The following ASB14 variants were observed in gnomAD, a reference collection of about 807,000 sequenced individuals.
ASB14 encodes the protein ankyrin repeat and SOCS box containing 14, also known as ankyrin repeat and SOCS box protein 14.
In ASB14, 63 loss-of-function variants were observed where a neutral mutation model predicts 55.6. That is an observed-to-expected ratio of 1.13 (90% CI 0.92 to 1.40). The LOEUF (loss-of-function observed/expected upper bound fraction) is 1.40. ASB14 is among the 40% of genes most tolerant of loss of function. ASB14 has a pLI of 0.00. For missense variants in ASB14, 724 were observed against 710.4 expected (o/e 1.02, Z -0.22); for synonymous variants, 256 against 259.9 (o/e 0.98, Z 0.15).
intron 10 of ASB14, 77 bp downstream of exon 10, chr3:57,276,451 T>G: frequency 1.9e-6 from 2 of 1,077,160 alleles, no homozygotes; most frequent in South Asian, 1.7e-5. Context: ...TGCATTGAGA[T>G]TTTAGTTGGT....
intron 5 of ASB14, among the ~76,000 whole-genome samples, chr3:57,285,237 A>C (rs1446262514): frequency 6.6e-6 from 1 of 152,086 alleles, no homozygotes; most frequent in African/African-American, 2.4e-5. Flanking sequence ...TACCGTGCAC[A>C]GCCTAATTTT....
Position 57,289,175 on chromosome 3 carries a change from T to C in ASB14, c.123-52A>G, listed in dbSNP as rs17735397. On this transcript the variant is annotated intron_variant, in intron 2 of 10. Transcript: ENST00000487349. The stretch of plus-strand genomic sequence containing the variant: ...TTCCAAAACTGAGGAGAAAAAACTG[T>C]TATCTGATATAAATCAAAAGGAAAG... The C allele has an allele frequency of 0.028, 34,537 of 1,215,108 alleles. 588 individuals carry two copies. The highest frequency in any genetic ancestry group is 0.034 in the Middle Eastern group (181 of 5,328). 75.3% of individuals were successfully genotyped at this position (1,215,108 alleles called of 1,614,324 possible).
At position 57,283,320 on chromosome 3, in the gene ASB14, CCT is replaced by C. The variant is rs1559522866; in HGVS notation, c.587_588del (p.Glu196GlyfsTer14). 1.3e-6 allele frequency: 2 copies of C among 1,551,856 alleles called. No individual in the cohort carries two copies. The highest frequency in any genetic ancestry group is 1.7e-6 in the Non-Finnish European group (2 of 1,147,044). Reference protein sequence around the residue: ...ALHEAAKLGREDMVKLMLVSG... With the variant: ...ALHEAAKLGRXDMVKLMLVSG... ...GAAACCAGCATAAGCTTCACCATGT[CCT>C]CTCTGCCCAGTTTGGCTGCTTCGTG... is the stretch of plus-strand genomic sequence containing the variant. On this transcript the variant is annotated frameshift_variant, in exon 6 of 11. Coordinates refer to ENST00000487349, the MANE Select transcript of ASB14 (RefSeq NM_001142733.3). LOFTEE classifies it high-confidence loss of function.
chr3:57,285,599 A>G (rs189719406), intron 5 of ASB14, among the ~76,000 whole-genome samples: 1 of 152,290 alleles, frequency 6.6e-6, no homozygotes, highest in East Asian at 1.9e-4. Flanking sequence ...AAGGTAGGCC[A>G]TATTTACATT....
chr3:57,268,444 A>G lies in ASB14; in HGVS notation c.*1197T>C, dbSNP rs375301727. 6.0e-5 allele frequency: 97 copies of G among 1,604,622 alleles called. No homozygotes were observed. Among genetic ancestry groups the G allele is most frequent in the Non-Finnish European group, 7.8e-5 (92 of 1,174,998 alleles). Reference sequence around the variant, plus strand: ...CAAAAAGAAATAGAGAGAGTAAAAGAGAAGCAACAGAAAGAACTCAATAAA... The same window carrying G: ...CAAAAAGAAATAGAGAGAGTAAAAGGGAAGCAACAGAAAGAACTCAATAAA... On this transcript the variant is annotated 3_prime_UTR_variant, in exon 11 of 11. Transcript: ENST00000487349.
intron 6 of ASB14, among the ~76,000 whole-genome samples, chr3:57,282,853 G>A (rs373340935): frequency 4.4e-4 from 67 of 152,246 alleles, no homozygotes; most frequent in African/African-American, 1.6e-3. Flanking sequence ...CTTAGGCAGA[G>A]GTAATGTGCA....
At chr3:57,273,595 A>C (rs1380227428) in intron 10 of ASB14, 3 of 152,574 alleles carry the variant, frequency 2.0e-5, no homozygotes, top group South Asian at 2.1e-4. Flanking sequence ...ACAGCAGCTA[A>C]AATGAAAAAA....
chr3:57,274,470 G>T (rs1353307918), intron 10 of ASB14, among the ~76,000 whole-genome samples: 1 of 152,148 alleles, frequency 6.6e-6, no homozygotes, highest in Non-Finnish European at 1.5e-5. Flanking sequence ...ATCACTTAAG[G>T]TCAGGAGGTC....
chr3:57,269,818 AT>A (rs2060923518), intron 10 of ASB14, 200 bp from the exon 11 acceptor site: 1 of 1,076,578 alleles, frequency 9.3e-7, no homozygotes, highest in East Asian at 2.5e-5. Flanking sequence ...TTGTAGCTAC[AT>A]TTTAAAAAAA....
intron 6 of ASB14, among the ~76,000 whole-genome samples, chr3:57,281,131 C>T (rs150596797): frequency 2.0e-3 from 297 of 152,184 alleles, no homozygotes; most frequent in African/African-American, 6.8e-3. Flanking sequence ...TCCAGAAATC[C>T]GAAATCTGAA....
intron 2 of ASB14, among the ~76,000 whole-genome samples, chr3:57,291,215 T>C (rs2107631829): frequency 6.6e-6 from 1 of 151,860 alleles, no homozygotes; most frequent in African/African-American, 2.4e-5. Flanking sequence ...TGAAATCTCT[T>C]GGGGTTAAAA....
chr3:57,268,876 C>T lies in ASB14; in HGVS notation c.*765G>A, dbSNP rs1046348655. On this transcript the variant is annotated 3_prime_UTR_variant, in exon 11 of 11. Coordinates refer to ENST00000487349, the MANE Select transcript of ASB14 (RefSeq NM_001142733.3). ...AATGAAATGTATATTTTTAATATTG[C>T]CAGGAGTGTCAAATCATTGTCCATC... is the stretch of plus-strand genomic sequence containing the variant. 1.3e-5 allele frequency: 2 copies of T among 152,120 alleles called. No individual in the cohort carries two copies. The highest frequency in any genetic ancestry group is 2.4e-5 in the African/African-American group (1 of 41,286). The allele number at this position is 152,120 out of a possible 1,614,324, so 9.4% of individuals were successfully genotyped here.
intron 10 of ASB14, chr3:57,270,725 T>C: frequency 6.6e-6 from 1 of 152,652 alleles, no homozygotes; most frequent in South Asian, 2.1e-4. Flanking sequence ...ATCACCACTT[T>C]ATATCCACAA....
chr3:57,268,852 A>G lies in ASB14; in HGVS notation c.*789T>C, dbSNP rs999362038. The G allele has an allele frequency of 1.3e-5, 2 of 153,184 alleles. No homozygotes were observed. Among genetic ancestry groups the G allele is most frequent in the Non-Finnish European group, 2.9e-5 (2 of 68,732 alleles). The allele number at this position is 153,184 out of a possible 1,614,324, so 9.5% of individuals were successfully genotyped here. ...ATATATATGTTATATGAAATATATA[A>G]TGAAATGTATATTTTTAATATTGCC... On this transcript the variant is annotated 3_prime_UTR_variant, in exon 11 of 11. Transcript: ENST00000487349.
At chr3:57,279,235 T>C (rs1315983008) in intron 7 of ASB14, among the ~76,000 whole-genome samples, 3 of 150,588 alleles carry the variant, frequency 2.0e-5, no homozygotes, top group Non-Finnish European at 2.9e-5. Flanking sequence ...CAGCCATTTC[T>C]AGTTCTTCCT....
Position 57,269,293 on chromosome 3 carries a change from T to G in ASB14, c.*348A>C, listed in dbSNP as rs1164893354. 5 of 388,946 alleles carry G rather than the reference T, an allele frequency of 1.3e-5. No individual in the cohort carries two copies. In the Admixed American group the frequency reaches 1.6e-4, roughly 12 times the overall value. The allele number at this position is 388,946 out of a possible 1,614,324, so 24.1% of individuals were successfully genotyped here. A position where few individuals can be genotyped will look rare whatever the true frequency, so the allele number is the denominator to read the frequency against. ...ATGATTGATGATGGGCTTTATTTGG[T>G]TGTTGGTCATAAAAAAAGAAAGATA... On this transcript the variant is annotated 3_prime_UTR_variant, in exon 11 of 11. Transcript: ENST00000487349.
At chr3:57,275,313 A>C (rs1559519451) in intron 10 of ASB14, among the ~76,000 whole-genome samples, 1 of 151,992 alleles carries the variant, frequency 6.6e-6, no homozygotes, top group Non-Finnish European at 1.5e-5. Context: ...TTAGCCGGGC[A>C]TGGTGGTGTA....
At chr3:57,286,534 C>T (rs1390606272) in intron 5 of ASB14, among the ~76,000 whole-genome samples, 2 of 152,096 alleles carry the variant, frequency 1.3e-5, no homozygotes. Context: ...CTAACTTTAT[C>T]CATCTCGCTA....
chr3:57,270,296 G>A (rs2060927559), intron 10 of ASB14: 1 of 152,650 alleles, frequency 6.6e-6, no homozygotes. Context: ...TTTCTCTAAT[G>A]TACTGCACTT....
Sources: gnomAD v4.1 joint callset for allele counts (sites outside exome capture counted in the v4.1 genomes callset) on GRCh38, gnomAD v4.1.1 for gene constraint, MANE v1.5 for transcripts, NCBI Gene and HGNC (gene_info 2026-07-23, HGNC 2026-07-21) for gene names.